GPR173: variants seen among roughly 807,000 people sequenced by gnomAD.
GPR173 encodes the protein probable G protein-coupled receptor 173.
A neutral mutation model predicts 13.9 loss-of-function variants in GPR173; 2 were observed. That is an observed-to-expected ratio of 0.14 (90% CI 0.06 to 0.45). The LOEUF is 0.45. GPR173 is among the 20% of genes least tolerant of loss of function. GPR173 has a pLI of 0.98. For missense variants in GPR173, 202 were observed against 340.5 expected (o/e 0.59, Z 3.20); for synonymous variants, 131 against 141.0 (o/e 0.93, Z 0.50).
At chrX:53,073,622 A>C (rs995502573) in intron 1 of GPR173, among the ~76,000 whole-genome samples, 6 of 106,274 alleles carry the variant, frequency 5.6e-5, no homozygotes, top group Non-Finnish European at 7.7e-5. Flanking sequence ...AATTCATTTG[A>C]TATATTGTCA....
intron 1 of GPR173, chrX:53,065,225 T>C (rs782262415): frequency 8.9e-6 from 1 of 112,266 alleles, no homozygotes; most frequent in African/African-American, 3.2e-5. Context: ...TTGGAAAGCA[T>C]GTTGTTGAAG....
intron 1 of GPR173, among the ~76,000 whole-genome samples, chrX:53,052,602 C>CGTGTGTGT (rs781878545): frequency 1.5e-4 from 15 of 100,504 alleles, no homozygotes; most frequent in African/African-American, 2.2e-4. Flanking sequence ...CACACACACA[C>CGTGTGTGT]GTGTGTGTGT....
intron 1 of GPR173, among the ~76,000 whole-genome samples, chrX:53,067,519 T>C (rs1212562216): frequency 8.9e-6 from 1 of 112,571 alleles, no homozygotes; most frequent in Non-Finnish European, 1.9e-5. Context: ...GATTTTTCTC[T>C]GCATTCTTAA....
chrX:53,069,962 A>G (rs1932236273), intron 1 of GPR173, among the ~76,000 whole-genome samples: 1 of 110,560 alleles, frequency 9.0e-6, no homozygotes, highest in South Asian at 3.8e-4. Context: ...GGGTGCATAT[A>G]TATCTATAGG....
intron 1 of GPR173, among the ~76,000 whole-genome samples, chrX:53,054,914 G>T (rs1275497069): frequency 9.1e-6 from 1 of 109,346 alleles, no homozygotes; most frequent in Non-Finnish European, 1.9e-5. Context: ...GAGCACAAGT[G>T]TATCTAGGCA....
intron 1 of GPR173, among the ~76,000 whole-genome samples, chrX:53,068,136 T>C (rs1415591038): frequency 5.4e-5 from 6 of 111,712 alleles, no homozygotes; most frequent in African/African-American, 1.9e-4. Flanking sequence ...TGCTTCAGAA[T>C]ACTGGGAGTG....
intron 1 of GPR173, among the ~76,000 whole-genome samples, chrX:53,057,073 G>A (rs191234590): frequency 1.8e-5 from 2 of 111,996 alleles, no homozygotes; most frequent in East Asian, 5.6e-4. Context: ...CTGTAAAAGT[G>A]GGAGTACTAT....
rs993693090 is a variant in GPR173 at position 53,079,343 on chromosome X, C to T, written c.*1600C>T. On this transcript the variant is annotated 3_prime_UTR_variant, in exon 2 of 2. Coordinates refer to ENST00000332582, the MANE Select transcript of GPR173 (RefSeq NM_018969.6). ...ATTAATGAGCCTGGCTGCAGAGTGGCCCTGGAAAGGCAGGCCAGAGTGGCT... is the reference window on the plus strand; with the variant it reads ...ATTAATGAGCCTGGCTGCAGAGTGGTCCTGGAAAGGCAGGCCAGAGTGGCT... The T allele has an allele frequency of 8.4e-6, 1 of 119,221 alleles. No homozygotes were observed. Among genetic ancestry groups the T allele is most frequent in the Non-Finnish European group, 1.9e-5 (1 of 52,108 alleles). The allele number at this position is 119,221 out of a possible 1,213,427, so 9.8% of individuals were successfully genotyped here.
intron 1 of GPR173, among the ~76,000 whole-genome samples, chrX:53,055,376 TG>T (rs1556803121): frequency 1.8e-5 from 2 of 109,639 alleles, no homozygotes; most frequent in Non-Finnish European, 3.8e-5. Context: ...GGTTTGAATG[TG>T]GGTGTATCTG....
chrX:53,073,090 G>C (rs1378830066), intron 1 of GPR173, among the ~76,000 whole-genome samples: 1 of 110,334 alleles, frequency 9.1e-6, no homozygotes, highest in Admixed American at 9.7e-5. Flanking sequence ...GGGTGTGGTG[G>C]TGCGTGTGCT....
At chrX:53,057,665 T>A (rs1280226890) in intron 1 of GPR173, among the ~76,000 whole-genome samples, 1 of 83,040 alleles carries the variant, frequency 1.2e-5, no homozygotes, top group Non-Finnish European at 2.4e-5. Flanking sequence ...GAGGCAGGAG[T>A]GTCACTTGAA....
chrX:53,062,238 C>T (rs1556803872), intron 1 of GPR173, among the ~76,000 whole-genome samples: 1 of 110,654 alleles, frequency 9.0e-6, no homozygotes, highest in Non-Finnish European at 1.9e-5. Flanking sequence ...CCTTGACTCC[C>T]AAAATCCATG....
chrX:53,054,236 T>C (rs904302982), intron 1 of GPR173, among the ~76,000 whole-genome samples: 1 of 109,962 alleles, frequency 9.1e-6, no homozygotes. Flanking sequence ...ATGGGCCGGG[T>C]GCGGTGGCTC....
At chrX:53,075,088 T>C (rs1358393998) in intron 1 of GPR173, among the ~76,000 whole-genome samples, 1 of 106,883 alleles carries the variant, frequency 9.4e-6, no homozygotes, top group Non-Finnish European at 1.9e-5. Flanking sequence ...CCTCACCACC[T>C]TTCTGACCTC....
At chrX:53,074,413 T>C (rs1932380139) in intron 1 of GPR173, among the ~76,000 whole-genome samples, 1 of 39,309 alleles carries the variant, frequency 2.5e-5, no homozygotes, top group Non-Finnish European at 4.1e-5. Flanking sequence ...TTTATATTTA[T>C]ATATAAATAA....
At chrX:53,068,324 T>C (rs1336906405) in intron 1 of GPR173, among the ~76,000 whole-genome samples, 1 of 111,493 alleles carries the variant, frequency 9.0e-6, no homozygotes, top group African/African-American at 3.3e-5. Context: ...AAAATAATAC[T>C]GTTCTCTTTA....
chrX:53,080,410 TA>T lies in GPR173; in HGVS notation c.*2668del, dbSNP rs1480751219. 1 of 121,756 alleles carries T rather than the reference TA, an allele frequency of 8.2e-6. No homozygotes were observed. Among genetic ancestry groups the T allele is most frequent in the Admixed American group, 9.6e-5 (1 of 10,364 alleles). The allele number at this position is 121,756 out of a possible 1,213,427, so 10.0% of individuals were successfully genotyped here. On this transcript the variant is annotated 3_prime_UTR_variant, in exon 2 of 2. Transcript: ENST00000332582. ...ATCATTGGTCCATGTGAGGCCCTTTTATTTTTTTTTCTTCAGTTTTGTCCCC... is the reference window on the plus strand; with the variant it reads ...ATCATTGGTCCATGTGAGGCCCTTTTTTTTTTTTTCTTCAGTTTTGTCCCC...
intron 1 of GPR173, among the ~76,000 whole-genome samples, chrX:53,055,133 C>T (rs1411250933): frequency 9.6e-6 from 1 of 104,368 alleles, no homozygotes; most frequent in Non-Finnish European, 2.0e-5. Flanking sequence ...AATTGGGGGT[C>T]GAGATTGTGT....
chrX:53,074,686 T>A lies in GPR173; in HGVS notation c.-97-1839T>A, dbSNP rs1462066390. 2.4e-4 allele frequency among the ~76,000 whole-genome samples: 21 copies of A among 86,949 alleles called. 1 individual carries two copies. Among genetic ancestry groups the A allele is most frequent in the African/African-American group, 9.7e-4 (21 of 21,567 alleles). 75.5% of individuals were successfully genotyped at this position (86,949 alleles called of 115,157 possible). ...TTTATATATATTTATTTATAAATAT[T>A]ATAAATAAATATATAAATATATATT... is the stretch of plus-strand genomic sequence containing the variant. On this transcript the variant is annotated intron_variant, in intron 1 of 1. Coordinates refer to ENST00000332582, the MANE Select transcript of GPR173 (RefSeq NM_018969.6).
Sources: gnomAD v4.1 joint callset for allele counts (sites outside exome capture counted in the v4.1 genomes callset) on GRCh38, gnomAD v4.1.1 for gene constraint, MANE v1.5 for transcripts, NCBI Gene and HGNC (gene_info 2026-07-23, HGNC 2026-07-21) for gene names.